Variants in COL1A1 observed in about 807,000 individuals in gnomAD.
The protein encoded by COL1A1 is collagen alpha-1(I) chain.
COL1A1 carries 21 observed loss-of-function variants against 195.7 expected under a neutral mutation model. That is an observed-to-expected ratio of 0.11 (90% CI 0.08 to 0.15). The LOEUF (loss-of-function observed/expected upper bound fraction) is 0.15, where lower values mean the gene tolerates loss of function less well. COL1A1 is among the 10% of genes least tolerant of loss of function. The probability of loss-of-function intolerance (pLI) is 1.00; values close to 1 mark genes in which losing one functional copy is unlikely to be tolerated. For synonymous variants in COL1A1, 749 were observed against 747.3 expected (o/e 1.00, Z -0.04); for missense variants, 1,365 against 2,051.0 (o/e 0.67, Z 6.46).
rs1906830109 is a variant in COL1A1, at chr17:50,189,066, CG to C, written c.2938-57del. The C allele has an allele frequency of 5.7e-6, 9 of 1,570,734 alleles. No homozygotes were observed. The Admixed American group carries it at 1.0e-4, about 18-fold the overall frequency. On this transcript the variant is annotated intron_variant, in intron 40 of 50. Coordinates refer to ENST00000225964, the MANE Select transcript of COL1A1 (RefSeq NM_000088.4). This position sits in a 1 kb window ranked among gnomAD's most constrained non-coding sequence, Gnocchi z 5.5. ...TAGGGTCTGGGAGGACCCTTGAGTC[CG>C]CTGGAGTCATCTCTACCAAATCTGT...
intron 6 of COL1A1, 107 bp from the exon 7 acceptor site, chr17:50,198,312 T>C: frequency 6.4e-7 from 1 of 1,550,836 alleles, no homozygotes; most frequent in Non-Finnish European, 8.9e-7. Flanking sequence ...GCATCCTTTC[T>C]GGACTCTGAG....
In COL1A1 at chr17:50,184,556, G is replaced by T. The variant is rs376098958; in HGVS notation, c.*946C>A. 2.2e-5 allele frequency: 5 copies of T among 231,312 alleles called. No homozygotes were observed. The highest frequency in any genetic ancestry group is 1.7e-4 in the Admixed American group (3 of 17,688). 14.3% of individuals were successfully genotyped at this position (231,312 alleles called of 1,614,324 possible). On this transcript the variant is annotated 3_prime_UTR_variant, in exon 51 of 51. Coordinates refer to ENST00000225964, the MANE Select transcript of COL1A1 (RefSeq NM_000088.4). ...AAAGGAACATTTGCTGGCCTGGGGG[G>T]GCATCTCAATTTCTATAGCACCAGT...
At position 50,196,644 on chromosome 17, in the gene COL1A1, C is replaced by T. The variant is rs1907617497; in HGVS notation, c.831G>A (p.Lys277=). ...TAGGACCAGCAGGACCAGCATCTCC[C>T]TTGGCACCATCCAAACCACTGAAAC... ...HRGFSGLDGA[K]GDAGPAGPKG... The change falls in exon 12 of 51, where the codon AAG becomes AAA. Residue 277 remains lysine (K), a synonymous_variant. Transcript: ENST00000225964. 1 of 1,614,196 alleles carries T rather than the reference C, an allele frequency of 6.2e-7. No individual in the cohort carries two copies. The highest frequency in any genetic ancestry group is 8.5e-7 in the Non-Finnish European group (1 of 1,180,032).
In COL1A1 at chr17:50,188,467, C is replaced by T; in HGVS notation, c.3207+63G>A. 1 of 1,516,752 alleles carries T rather than the reference C, an allele frequency of 6.6e-7. No individual in the cohort carries two copies. 94.0% of individuals were successfully genotyped at this position (1,516,752 alleles called of 1,614,324 possible). A position where few individuals can be genotyped will look rare whatever the true frequency, so the allele number is the denominator to read the frequency against. On this transcript the variant is annotated intron_variant, in intron 43 of 50. Transcript: ENST00000225964. The surrounding 1 kb of genome is among the most constrained non-coding windows in gnomAD (Gnocchi z 5.6). ...AAGTCCGACACCCATCCCCAGGCCT[C>T]TAAGGAGGCCTGAAGAGTCCCTGGC... is the stretch of plus-strand genomic sequence containing the variant.
rs2144540571 is a variant in COL1A1, at chr17:50,187,488, G to A, written c.3419C>T (p.Pro1140Leu). ...GPSGASGPAG[P>L]RGPPGSAGAP... ...GAGAGAGAAGGCATGACTTACTCGG[G>A]GACCAGCAGGACCAGAGGCTCCAGA... Residue 1140 changes from proline (P) to leucine (L), a missense_variant, in exon 46 of 51, where the codon CCC becomes CTC. By Grantham distance (98) the Pro-to-Leu change is moderately conservative. This residue lies in a region of COL1A1 where 671 missense variants were observed against 1,099.9 expected (regional missense o/e 0.61). Transcript: ENST00000225964. 2 of 1,614,026 alleles carry A rather than the reference G, an allele frequency of 1.2e-6. No individual in the cohort carries two copies. Among genetic ancestry groups the A allele is most frequent in the Non-Finnish European group, 1.7e-6 (2 of 1,179,974 alleles).
At position 50,185,758 on chromosome 17, in the gene COL1A1, T is replaced by C. The variant is rs757771156; in HGVS notation, c.4248+20A>G. ...AAGGCCGGAGAGGTGGGGCCCTGCC[T>C]GGGGATTCTGGGCACTCACCGTGCA... On this transcript the variant is annotated intron_variant, in intron 50 of 50. Coordinates refer to ENST00000225964, the MANE Select transcript of COL1A1 (RefSeq NM_000088.4). 7 of 1,612,812 alleles carry C rather than the reference T, an allele frequency of 4.3e-6. No homozygotes were observed. In the South Asian group the frequency reaches 7.7e-5, roughly 18 times the overall value.
At chr17:50,198,392 C>T (rs376316162) in intron 6 of COL1A1, 41 bp downstream of exon 6, 41 of 1,601,604 alleles carry the variant, frequency 2.6e-5, no homozygotes, top group Non-Finnish European at 3.0e-5. Context: ...TCTGGATACC[C>T]ATTCTCTCTT....
In COL1A1 at chr17:50,201,395, A is replaced by C. The variant is rs548069648; in HGVS notation, c.103+16T>G. On this transcript the variant is annotated intron_variant, in intron 1 of 50. Transcript: ENST00000225964. ...GATATAGAGTATCCTTGCACTCCCA[A>C]AAGTTTGGGACTTACTGTCTTCGTC... 351 of 1,613,192 alleles carry C rather than the reference A, an allele frequency of 2.2e-4. 1 individual carries two copies. The South Asian group carries it at 3.8e-3, about 17-fold the overall frequency.
At chr17:50,196,280 C>T (rs62062997) in intron 14 of COL1A1, 34 bp downstream of exon 14, 1 of 1,608,704 alleles carries the variant, frequency 6.2e-7, no homozygotes, top group South Asian at 1.1e-5. Flanking sequence ...CCTTCCAGAG[C>T]TCAGGGATCC....
chr17:50,188,945 G>T lies in COL1A1; in HGVS notation c.3003C>A (p.Gly1001=), dbSNP rs747313038. Residue 1001 remains glycine, a synonymous_variant, in exon 41 of 51, where the codon GGC becomes GGA. Coordinates refer to ENST00000225964, the MANE Select transcript of COL1A1 (RefSeq NM_000088.4). The surrounding 1 kb of genome is among the most constrained non-coding windows in gnomAD (Gnocchi z 5.6). ...SGERGPPGPM[G]PPGLAGPPGE... is the part of the protein sequence containing the mutation. ...CAGGGGGTCCAGCCAATCCAGGGGG[G>T]CCCATGGGACCAGGGGGACCACGTT... is the stretch of plus-strand genomic sequence containing the variant. 5 of 1,613,234 alleles carry T rather than the reference G, an allele frequency of 3.1e-6. No homozygotes were observed. In the South Asian group the frequency reaches 5.5e-5, roughly 18 times the overall value.
At chr17:50,193,586 A>G in intron 25 of COL1A1, 1 of 341,536 alleles carries the variant, frequency 2.9e-6, no homozygotes, top group South Asian at 2.6e-5. Flanking sequence ...GGTTCATGCA[A>G]TTCTCCTGCC....
At position 50,195,877 on chromosome 17, in the gene COL1A1, C is replaced by A. The variant is rs1907537327; in HGVS notation, c.1056+46G>T. 1 of 1,551,838 alleles carries A rather than the reference C, an allele frequency of 6.4e-7. No individual in the cohort carries two copies. Among genetic ancestry groups the A allele is most frequent in the East Asian group, 2.4e-5 (1 of 41,520 alleles). ...TTTGGGGAACAGGGAGACATGAACC[C>A]CTTGGCCCATGAGGGTCATGCTTAG... On this transcript the variant is annotated intron_variant, in intron 16 of 50. Coordinates refer to ENST00000225964, the MANE Select transcript of COL1A1 (RefSeq NM_000088.4). The surrounding 1 kb of genome is among the most constrained non-coding windows in gnomAD (Gnocchi z 4.3).
chr17:50,190,050 T>C lies in COL1A1; in HGVS notation c.2510A>G (p.Asp837Gly). 1 of 1,613,502 alleles carries C rather than the reference T, an allele frequency of 6.2e-7. No individual in the cohort carries two copies. Among genetic ancestry groups the C allele is most frequent in the Non-Finnish European group, 8.5e-7 (1 of 1,179,852 alleles). The change falls in exon 36 of 51, where the codon GAT becomes GGT. Residue 837 changes from aspartate to glycine, a missense_variant. By Grantham distance (94) the Asp-to-Gly change is moderately conservative. Coordinates refer to ENST00000225964, the MANE Select transcript of COL1A1 (RefSeq NM_000088.4). This position sits in a 1 kb window ranked among gnomAD's most constrained non-coding sequence, Gnocchi z 4.7. ...GEPGDAGAKG[D>G]AGPPGPAGPA... is the part of the protein sequence containing the mutation. ...TCCGGCAGGGCCAGGGGGACCAGCA[T>C]CGCCTTTAGCACCAGCATCACCAGG...
chr17:50,192,047 C>T (rs1316193646), intron 29 of COL1A1, 23 bp from the exon 30 acceptor site: 3 of 1,609,892 alleles, frequency 1.9e-6, no homozygotes, highest in Non-Finnish European at 2.5e-6. Context: ...GAGAGAGGAA[C>T]AGACAGTGAG....
At chr17:50,192,221 T>C (rs1907165434) in intron 29 of COL1A1, 197 bp from the exon 30 acceptor site, 1 of 726,568 alleles carries the variant, frequency 1.4e-6, no homozygotes, top group Non-Finnish European at 2.3e-6. Flanking sequence ...CCCCAAACTA[T>C]GGACCAAGAT....
At position 50,190,743 on chromosome 17, in the gene COL1A1, C is replaced by A; in HGVS notation, c.2343+74G>T. ...GGCAGGACCTGCTCTCCCAACGCAA[C>A]CCCACGGAACCGTGCCCAGGCCTGC... On this transcript the variant is annotated intron_variant, in intron 33 of 50. Transcript: ENST00000225964. The surrounding 1 kb of genome is among the most constrained non-coding windows in gnomAD (Gnocchi z 4.7). 1 of 1,509,468 alleles carries A rather than the reference C, an allele frequency of 6.6e-7. No individual in the cohort carries two copies. The highest frequency in any genetic ancestry group is 9.2e-7 in the Non-Finnish European group (1 of 1,087,438). The allele number at this position is 1,509,468 out of a possible 1,614,324, so 93.5% of individuals were successfully genotyped here. A position where few individuals can be genotyped will look rare whatever the true frequency, so the allele number is the denominator to read the frequency against.
rs757452752 is a variant in COL1A1 at position 50,196,202 on chromosome 17, G to A, written c.958-3C>T. 1 of 1,614,068 alleles carries A rather than the reference G, an allele frequency of 6.2e-7. No individual in the cohort carries two copies. On this transcript the variant is annotated splice_polypyrimidine_tract_variant and splice_region_variant and intron_variant, in intron 14 of 50. Transcript: ENST00000225964. ...GCACCATCATTTCCACGAGCACCCT[G>A]CAGGAGAGAGGGGAAGCCCCGTTAA... is the stretch of plus-strand genomic sequence containing the variant.
At position 50,195,832 on chromosome 17, in the gene COL1A1, G is replaced by C; in HGVS notation, c.1056+91C>G. ...GTGTTAGTGAACGGGCTGCTCTCTT[G>C]CCACTCTGGGTCCCTTTGGTTTGGG... is the stretch of plus-strand genomic sequence containing the variant. On this transcript the variant is annotated intron_variant, in intron 16 of 50. Coordinates refer to ENST00000225964, the MANE Select transcript of COL1A1 (RefSeq NM_000088.4). This position sits in a 1 kb window ranked among gnomAD's most constrained non-coding sequence, Gnocchi z 4.3. 1.4e-6 allele frequency: 2 copies of C among 1,479,028 alleles called. No individual in the cohort carries two copies. Among genetic ancestry groups the C allele is most frequent in the South Asian group, 2.4e-5 (2 of 82,870 alleles). 91.6% of individuals were successfully genotyped at this position (1,479,028 alleles called of 1,614,324 possible).
At position 50,192,781 on chromosome 17, in the gene COL1A1, C is replaced by A. The variant is rs767972000; in HGVS notation, c.1875+16G>T. On this transcript the variant is annotated intron_variant, in intron 27 of 50. Transcript: ENST00000225964. ...CCCTTTTCTGCTCCCCAGATCTCCCCATCAGGGACACTCACAGCAGGGCCA... is the reference window on the plus strand; with the variant it reads ...CCCTTTTCTGCTCCCCAGATCTCCCAATCAGGGACACTCACAGCAGGGCCA... 1 of 1,614,074 alleles carries A rather than the reference C, an allele frequency of 6.2e-7. No homozygotes were observed. The highest frequency in any genetic ancestry group is 8.5e-7 in the Non-Finnish European group (1 of 1,180,018).
Sources: gnomAD v4.1 joint callset for allele counts on GRCh38, gnomAD v4.1.1 for gene constraint, gnomAD v4.1.1 regional missense constraint, Gnocchi (gnomAD v3.1) non-coding constraint, MANE v1.5 for transcripts, NCBI Gene and HGNC (gene_info 2026-07-23, HGNC 2026-07-21) for gene names.